Variants in CTSH observed in about 807,000 individuals in gnomAD.
CTSH encodes the protein pro-cathepsin H.
A neutral mutation model predicts 56.3 loss-of-function variants in CTSH; 52 were observed. The observed-to-expected ratio is 0.92, with a 90% CI of 0.74 to 1.16. The LOEUF (loss-of-function observed/expected upper bound fraction) is 1.16. Among genes scored for constraint, CTSH ranks in the 50% most tolerant of loss-of-function variants. The pLI, the probability that CTSH is intolerant of heterozygous loss-of-function variation, is 0.00. For synonymous variants in CTSH, 174 were observed against 155.7 expected, an observed-to-expected ratio of 1.12 and a Z score of -0.88; for missense variants, 406 against 424.5, an observed-to-expected ratio of 0.96 and a Z score of 0.38.
intron 6 of CTSH, 76 bp from the exon 7 acceptor site, chr15:78,931,582 C>A: frequency 1.2e-6 from 2 of 1,610,154 alleles, no homozygotes; most frequent in Non-Finnish European, 1.7e-6. Flanking sequence ...CTAAGCCTCC[C>A]TGGCTGAGCC....
In CTSH at chr15:78,943,800, G is replaced by C. The variant is rs1216344780; in HGVS notation, c.91+1091C>G. Among the ~76,000 whole-genome samples, 4 of 152,232 alleles carry C rather than the reference G, an allele frequency of 2.6e-5. 1 individual carries two copies. Among genetic ancestry groups the C allele is most frequent in the South Asian group, 4.1e-4 (2 of 4,838 alleles). ...GTCTGGTCTTTCACAGAAAAAGTTT[G>C]CCAAGCCCTGCTCTGGAATTCAGAC... On this transcript the variant is annotated intron_variant, in intron 1 of 11. Coordinates refer to ENST00000220166, the MANE Select transcript of CTSH (RefSeq NM_004390.5).
intron 7 of CTSH, among the ~76,000 whole-genome samples, chr15:78,930,930 CTG>C (rs1270743750): frequency 1.3e-5 from 2 of 152,210 alleles, no homozygotes; most frequent in Admixed American, 6.5e-5. Flanking sequence ...GCTAGAGTCA[CTG>C]TAGAAATGTC....
At chr15:78,943,167 C>A (rs549029300) in intron 1 of CTSH, among the ~76,000 whole-genome samples, 1 of 152,138 alleles carries the variant, frequency 6.6e-6, no homozygotes. Flanking sequence ...TAAAATAGAT[C>A]CATTCCAATC....
intron 8 of CTSH, among the ~76,000 whole-genome samples, chr15:78,928,564 C>CAAAAA (rs869261525): frequency 9.1e-5 from 6 of 65,872 alleles, no homozygotes; most frequent in Admixed American, 1.8e-4. Context: ...GACTCCGTCT[C>CAAAAA]AAAAAAAAAA....
chr15:78,938,745 A>G (rs919788269), intron 2 of CTSH, among the ~76,000 whole-genome samples: 3 of 152,156 alleles, frequency 2.0e-5, no homozygotes, highest in Non-Finnish European at 4.4e-5. Flanking sequence ...CCTCCAATAT[A>G]CTAATTTCCT....
At chr15:78,922,595 C>T (rs527917198) in intron 11 of CTSH, among the ~76,000 whole-genome samples, 1 of 152,196 alleles carries the variant, frequency 6.6e-6, no homozygotes, top group African/African-American at 2.4e-5. Context: ...TACACCCAGG[C>T]CGCCCCATGC....
At chr15:78,930,923 A>T (rs146108566) in intron 7 of CTSH, among the ~76,000 whole-genome samples, 1 of 152,364 alleles carries the variant, frequency 6.6e-6, no homozygotes, top group Non-Finnish European at 1.5e-5. Flanking sequence ...AGGGAGGGCT[A>T]GAGTCACTGT....
chr15:78,944,803 C>T (rs919671518), intron 1 of CTSH, 88 bp downstream of exon 1: 8 of 1,451,454 alleles, frequency 5.5e-6, no homozygotes, highest in East Asian at 2.9e-5. Context: ...CCCGTTCCTC[C>T]GGAGCCCAGT....
At chr15:78,936,810 G>C (rs897894878) in intron 3 of CTSH, among the ~76,000 whole-genome samples, 1 of 152,076 alleles carries the variant, frequency 6.6e-6, no homozygotes, top group Non-Finnish European at 1.5e-5. Flanking sequence ...TGTATTTTTA[G>C]TAGAGATGGG....
intron 4 of CTSH, 91 bp from the exon 5 acceptor site, chr15:78,935,173 C>T: frequency 1.2e-6 from 1 of 852,028 alleles, no homozygotes; most frequent in South Asian, 1.6e-5. Flanking sequence ...AACATGGAAT[C>T]ACCAAGAGAG....
At chr15:78,922,338 C>T (rs12438267) in intron 11 of CTSH, 133 bp from the exon 12 acceptor site, 28 of 707,530 alleles carry the variant, frequency 4.0e-5, no homozygotes, top group South Asian at 1.7e-4. Context: ...CAGTAGCATT[C>T]GGCTTATTTG....
At chr15:78,937,456 A>C (rs564589145) in intron 2 of CTSH, 33 bp from the exon 3 acceptor site, 3 of 1,581,076 alleles carry the variant, frequency 1.9e-6, no homozygotes, top group Non-Finnish European at 2.6e-6. Flanking sequence ...CAAGTCATGG[A>C]AACAGGCTGC....
chr15:78,934,904 G>T, intron 5 of CTSH, 74 bp downstream of exon 5: 1 of 962,440 alleles, frequency 1.0e-6, no homozygotes. Context: ...TGGACCTTTT[G>T]AGTTGTTCTT....
chr15:78,927,914 A>G (rs987863368), intron 8 of CTSH, 133 bp from the exon 9 acceptor site: 1 of 731,950 alleles, frequency 1.4e-6, no homozygotes, highest in African/African-American at 1.7e-5. Flanking sequence ...TTCAGAGAGA[A>G]TTAAAGCATC....
In CTSH at chr15:78,944,999, G is replaced by C. The variant is rs781441494; in HGVS notation, c.-18C>G. 1 of 1,523,208 alleles carries C rather than the reference G, an allele frequency of 6.6e-7. No individual in the cohort carries two copies. The highest frequency in any genetic ancestry group is 1.2e-5 in the South Asian group (1 of 81,858). 94.4% of individuals were successfully genotyped at this position (1,523,208 alleles called of 1,614,324 possible). ...GCCCACATCGCAGCGCTGGCGGCTT[G>C]GCTCTTGCGCTCAGGGTCCGCGGAG... On this transcript the variant is annotated 5_prime_UTR_variant, in exon 1 of 12. Coordinates refer to ENST00000220166, the MANE Select transcript of CTSH (RefSeq NM_004390.5).
chr15:78,921,959 G>T lies in CTSH; in HGVS notation c.*171C>A, dbSNP rs2054778044. ...GCGTCATAGACACGGGTGAGCTCAT[G>T]GTGGAACTCCTCCTTGTCTGTAGGT... On this transcript the variant is annotated 3_prime_UTR_variant, in exon 12 of 12. Transcript: ENST00000220166. The T allele has an allele frequency of 4.9e-6, 3 of 617,224 alleles. No homozygotes were observed. Among genetic ancestry groups the T allele is most frequent in the African/African-American group, 3.7e-5 (2 of 54,384 alleles). 38.2% of individuals were successfully genotyped at this position (617,224 alleles called of 1,614,324 possible).
chr15:78,924,300 A>G (rs1251684904), intron 10 of CTSH, among the ~76,000 whole-genome samples: 1 of 152,128 alleles, frequency 6.6e-6, no homozygotes, highest in African/African-American at 2.4e-5. Context: ...GACCCTGGGA[A>G]AGCAGGGACA....
intron 3 of CTSH, among the ~76,000 whole-genome samples, chr15:78,936,598 A>G (rs1301977595): frequency 6.6e-6 from 1 of 151,438 alleles, no homozygotes; most frequent in Non-Finnish European, 1.5e-5. Context: ...TATTTCTCAG[A>G]GTCCTCAGAA....
rs1173701852 is a variant in CTSH, at chr15:78,944,898, GT to G, written c.83del (p.Asn28ThrfsTer3). ...GGCGCGCCCTCTGCGTACCTAAGGA[GT>G]TCACGCACAGTTCGGCGGCACCGCA... ...PVCGAAELCVNSLEKFHFKSW... is the reference protein window; with the variant it reads ...PVCGAAELCVXSLEKFHFKSW... On this transcript the variant is annotated frameshift_variant, in exon 1 of 12. Coordinates refer to ENST00000220166, the MANE Select transcript of CTSH (RefSeq NM_004390.5). LOFTEE classifies it high-confidence loss of function. The G allele has an allele frequency of 3.9e-6, 6 of 1,548,552 alleles. No homozygotes were observed. Among genetic ancestry groups the G allele is most frequent in the Non-Finnish European group, 5.2e-6 (6 of 1,146,022 alleles).
Sources: allele counts gnomAD v4.1 joint callset (sites outside exome capture counted in the v4.1 genomes callset), GRCh38; gene constraint gnomAD v4.1.1; transcripts MANE v1.5; gene names NCBI Gene and HGNC (gene_info 2026-07-23, HGNC 2026-07-21).